PMFBP1: variants seen among roughly 807,000 people sequenced by gnomAD.
The protein encoded by PMFBP1 is polyamine modulated factor 1 binding protein 1.
PMFBP1 carries 131 observed loss-of-function variants against 137.8 expected under a neutral mutation model. The observed-to-expected ratio is 0.95, with a 90% confidence interval of 0.82 to 1.10. The LOEUF (loss-of-function observed/expected upper bound fraction) is 1.10, where lower values mean the gene tolerates loss of function less well. PMFBP1 is among the 50% of genes least tolerant of loss of function. PMFBP1 has a pLI of 0.00. For synonymous variants in PMFBP1, 490 were observed against 450.4 expected (o/e 1.09, Z -1.11); for missense variants, 1,199 against 1,175.4 (o/e 1.02, Z -0.29).
At chr16:72,136,320 A>G (rs1178204401) in intron 9 of PMFBP1, 128 bp downstream of exon 9, 2 of 1,043,968 alleles carry the variant, frequency 1.9e-6, no homozygotes, top group African/African-American at 3.2e-5. Flanking sequence ...CTGAAGAGCC[A>G]CCATCTCACT....
chr16:72,151,584 A>G (rs1406633669), intron 4 of PMFBP1, among the ~76,000 whole-genome samples: 1 of 152,188 alleles, frequency 6.6e-6, no homozygotes, highest in Non-Finnish European at 1.5e-5. Context: ...GGATGGCTTT[A>G]TATTAGTTTA....
upstream of PMFBP1, among the ~76,000 whole-genome samples, chr16:72,174,329 A>C (rs2043247562): frequency 6.6e-6 from 1 of 152,224 alleles, no homozygotes; most frequent in Admixed American, 6.5e-5. Flanking sequence ...ATTTCTGAGA[A>C]AGCACCACGA....
chr16:72,210,800 T>A, the PMFBP1 span, among the ~76,000 whole-genome samples: 7 of 152,088 alleles, frequency 4.6e-5, no homozygotes, highest in African/African-American at 1.2e-4. Flanking sequence ...TGAGGTGAAG[T>A]CTTCCCTAGT....
At chr16:72,226,792 TCGC>T in the PMFBP1 span, among the ~76,000 whole-genome samples, 2 of 152,136 alleles carry the variant, frequency 1.3e-5, no homozygotes, top group Non-Finnish European at 1.5e-5. Context: ...GATTTCAGTC[TCGC>T]CACAACATGT....
the PMFBP1 span, chr16:72,224,506 C>T: frequency 2.0e-5 from 3 of 152,416 alleles, no homozygotes; most frequent in African/African-American, 4.8e-5. Context: ...TCTAATTACA[C>T]ATTTTTGATT....
chr16:72,236,057 C>T, the PMFBP1 span, among the ~76,000 whole-genome samples: 30 of 152,178 alleles, frequency 2.0e-4, no homozygotes, highest in African/African-American at 6.3e-4. Context: ...TAGATGTTTT[C>T]TCTTGTTCCT....
At position 72,136,528 on chromosome 16, in the gene PMFBP1, T is replaced by C. The variant is rs750414940; in HGVS notation, c.1123A>G (p.Ile375Val). The change falls in exon 9 of 21, where the codon ATC (isoleucine) becomes GTC (valine). Residue 375 changes from isoleucine to valine, a missense_variant. Transcript: ENST00000237353. ...SAHIERKDKDITILQCRLQEL... is the reference protein window; with the variant it reads ...SAHIERKDKDVTILQCRLQEL... The stretch of plus-strand genomic sequence containing the variant: ...TGCAGCCGGCACTGCAGGATGGTGA[T>C]GTCCTTATCCTTCCTCTCAATGTGG... The C allele has an allele frequency of 2.6e-5, 42 of 1,613,960 alleles. 1 individual carries two copies. In the Middle Eastern group the frequency reaches 6.6e-4, roughly 25 times the overall value.
upstream of PMFBP1, among the ~76,000 whole-genome samples, chr16:72,172,801 T>G (rs1393164148): frequency 6.6e-6 from 1 of 152,092 alleles, no homozygotes. Context: ...ATAACTTAAT[T>G]AAAAATACTT....
intron 5 of PMFBP1, among the ~76,000 whole-genome samples, chr16:72,149,713 C>T (rs1329535866): frequency 1.3e-5 from 2 of 152,084 alleles, no homozygotes; most frequent in Non-Finnish European, 2.9e-5. Flanking sequence ...GTCCCAGATA[C>T]TCTGGAGGCT....
chr16:72,177,310 A>G (rs967735038), upstream of PMFBP1, among the ~76,000 whole-genome samples: 3 of 152,198 alleles, frequency 2.0e-5, no homozygotes, highest in Non-Finnish European at 4.4e-5. Context: ...GGCAGCTACT[A>G]TATGCCAGGC....
At position 72,125,333 on chromosome 16, in the gene PMFBP1, G is replaced by A. The variant is rs763967856; in HGVS notation, c.2326C>T (p.Leu776=). 6 of 1,614,138 alleles carry A rather than the reference G, an allele frequency of 3.7e-6. No individual in the cohort carries two copies. Among genetic ancestry groups the A allele is most frequent in the East Asian group, 4.5e-5 (2 of 44,880 alleles). The change falls in exon 16 of 21, where the codon CTG becomes TTG. Residue 776 remains leucine, a synonymous_variant. Coordinates refer to ENST00000237353, the MANE Select transcript of PMFBP1 (RefSeq NM_031293.3). ...TCATAAGCAATGATTTCCTCTTCCA[G>A]CTGAGCTTTCTTCTCTTGGGTCTGT... ...LTQTQEKKAQ[L]EEEIIAYEER...
At chr16:72,125,484 C>T in intron 15 of PMFBP1, 79 bp from the exon 16 acceptor site, 7 of 1,459,772 alleles carry the variant, frequency 4.8e-6, no homozygotes, top group Non-Finnish European at 6.5e-6. Flanking sequence ...GAGGAGGGTT[C>T]CAGTCCCTTC....
At chr16:72,125,130 A>C (rs1270259840) in intron 16 of PMFBP1, 108 bp downstream of exon 16, 1 of 1,455,012 alleles carries the variant, frequency 6.9e-7, no homozygotes, top group East Asian at 2.3e-5. Flanking sequence ...AAGTGGAGGG[A>C]ACCTAGCAGC....
At chr16:72,139,443 C>T (rs376365311) in intron 6 of PMFBP1, 44 bp from the exon 7 acceptor site, 26 of 1,386,602 alleles carry the variant, frequency 1.9e-5, no homozygotes, top group Non-Finnish European at 2.6e-5. Flanking sequence ...ATCAATGGAA[C>T]GTGCTTGTTA....
At chr16:72,217,580 A>C in the PMFBP1 span, among the ~76,000 whole-genome samples, 1 of 152,206 alleles carries the variant, frequency 6.6e-6, no homozygotes, top group African/African-American at 2.4e-5. Flanking sequence ...GGCCAGGTAC[A>C]GTGGCTCACA....
In PMFBP1 at chr16:72,171,279, C is replaced by T; in HGVS notation, c.-60-11G>A. 10 of 1,531,378 alleles carry T rather than the reference C, an allele frequency of 6.5e-6. No homozygotes were observed. Among genetic ancestry groups the T allele is most frequent in the Non-Finnish European group, 9.0e-6 (10 of 1,108,414 alleles). 94.9% of individuals were successfully genotyped at this position (1,531,378 alleles called of 1,614,324 possible). Reference sequence around the variant, plus strand: ...AGCTTTGTTATAAACCTGAAAAAGTCCAAGTATTTAAGATGGAAAAAGTAT... The same window carrying T: ...AGCTTTGTTATAAACCTGAAAAAGTTCAAGTATTTAAGATGGAAAAAGTAT... On this transcript the variant is annotated splice_polypyrimidine_tract_variant and intron_variant, in intron 1 of 20. Coordinates refer to ENST00000237353, the MANE Select transcript of PMFBP1 (RefSeq NM_031293.3).
At chr16:72,133,908 G>C (rs958250116) in intron 9 of PMFBP1, among the ~76,000 whole-genome samples, 1 of 152,120 alleles carries the variant, frequency 6.6e-6, no homozygotes, top group African/African-American at 2.4e-5. Context: ...CTTGAAGTCA[G>C]GAGTTAGAGA....
chr16:72,248,218 T>G, the PMFBP1 span, among the ~76,000 whole-genome samples: 5 of 152,224 alleles, frequency 3.3e-5, no homozygotes, highest in Non-Finnish European at 5.9e-5. Context: ...CCAAAGTTGT[T>G]TGGAACAATG....
chr16:72,149,644 G>A (rs3909543), intron 5 of PMFBP1, among the ~76,000 whole-genome samples: 70,950 of 151,902 alleles, frequency 0.47, 17,031 homozygotes, highest in South Asian at 0.57. Flanking sequence ...CTAACACGGC[G>A]AAACCATGTC....
Sources: gnomAD v4.1 joint callset for allele counts (sites outside exome capture counted in the v4.1 genomes callset) on GRCh38, gnomAD v4.1.1 for gene constraint, MANE v1.5 for transcripts, NCBI Gene and HGNC (gene_info 2026-07-23, HGNC 2026-07-21) for gene names.